The following STARD8 variants were observed in gnomAD, a reference collection of about 807,000 sequenced individuals.
STARD8 encodes the protein stAR-related lipid transfer protein 8.
Under a neutral mutation model 69.4 loss-of-function variants are expected in STARD8, and 25 were observed. The observed-to-expected ratio is 0.36, with a 90% CI of 0.26 to 0.50. The LOEUF (loss-of-function observed/expected upper bound fraction) is 0.50, where lower values mean the gene tolerates loss of function less well. Ranked by LOEUF, STARD8 falls within the 20% of genes least tolerant of loss-of-function variation. The pLI, the probability that STARD8 is intolerant of heterozygous loss-of-function variation, is 0.96. For missense variants in STARD8, 921 were observed against 932.5 expected (o/e 0.99, Z 0.16); for synonymous variants, 389 against 374.6 (o/e 1.04, Z -0.45).
chrX:68,684,343 C>A lies in STARD8; in HGVS notation c.79+18811C>A, dbSNP rs148422460. 5.5e-3 allele frequency among the ~76,000 whole-genome samples: 616 copies of A among 112,378 alleles called. 4 individuals carry two copies. The highest frequency in any genetic ancestry group is 0.018 in the African/African-American group (559 of 30,946). ...TTCGGAGCTCTTTCATATCACTGTT[C>A]TGGCTGGAGCTGAAGCAGCAGAACT... On this transcript the variant is annotated intron_variant, in intron 2 of 14. Transcript: ENST00000374599.
At chrX:68,702,244 GT>G (rs1271778250) in intron 2 of STARD8, among the ~76,000 whole-genome samples, 1 of 112,101 alleles carries the variant, frequency 8.9e-6, no homozygotes, top group Non-Finnish European at 1.9e-5. Flanking sequence ...GGTATTATTA[GT>G]TGAATAAATT....
In STARD8 at chrX:68,656,208, C is replaced by T. The variant is rs556294246; in HGVS notation, c.45+8281C>T. 4 of 112,318 alleles carry T rather than the reference C, an allele frequency of 3.6e-5. No homozygotes were observed. The South Asian group carries it at 1.1e-3, about 31-fold the overall frequency. The allele number at this position is 112,318 out of a possible 1,213,427, so 9.3% of individuals were successfully genotyped here. On this transcript the variant is annotated intron_variant, in intron 1 of 14. Transcript: ENST00000374599. ...TGTGTTGACCATGAGAAAGTTACTT[C>T]GCCTTTCTCAAAAGAAGACATTTAT...
rs2080111514 is a variant in STARD8, at chrX:68,718,087, C to A, written c.1173C>A (p.Ile391=). The A allele has an allele frequency of 2.5e-6, 3 of 1,211,515 alleles. No individual in the cohort carries two copies. In the African/African-American group the frequency reaches 5.2e-5, roughly 21 times the overall value. Residue 391 remains isoleucine (I), a synonymous_variant, in exon 6 of 15, where the codon ATC becomes ATA. Coordinates refer to ENST00000374599, the MANE Select transcript of STARD8 (RefSeq NM_001142503.3). ...SGGSYAHLDD[I]LQHVWGLQQR... ...GCAGCTATGCTCACCTAGACGACAT[C>A]CTCCAGCACGTGTGGGGGCTACAGC...
intron 1 of STARD8, among the ~76,000 whole-genome samples, chrX:68,653,620 ACACACACCC>A (rs1272230520): frequency 6.4e-5 from 3 of 46,776 alleles, no homozygotes; most frequent in African/African-American, 2.5e-4. Context: ...CACCACACAC[ACACACACCC>A]CACACACCAC....
At chrX:68,720,488 C>G in intron 8 of STARD8, 65 bp downstream of exon 8, 1 of 1,088,306 alleles carries the variant, frequency 9.2e-7, no homozygotes, top group Non-Finnish European at 1.2e-6. Context: ...GGGCATTGGG[C>G]TGAAGGCTGA....
chrX:68,722,382 C>A, intron 11 of STARD8, 40 bp from the exon 12 acceptor site: 1 of 1,130,803 alleles, frequency 8.8e-7, no homozygotes, highest in Non-Finnish European at 1.2e-6. Flanking sequence ...GGGTCTCCTG[C>A]TCTCTGGAGC....
chrX:68,725,237 G>C lies in STARD8; in HGVS notation c.*815G>C, dbSNP rs1055826367. 3.6e-5 allele frequency: 4 copies of C among 110,407 alleles called. No homozygotes were observed. Among genetic ancestry groups the C allele is most frequent in the Non-Finnish European group, 7.6e-5 (4 of 52,917 alleles). The allele number at this position is 110,407 out of a possible 1,213,427, so 9.1% of individuals were successfully genotyped here. A position where few individuals can be genotyped will look rare whatever the true frequency, so the allele number is the denominator to read the frequency against. Reference sequence around the variant, plus strand: ...TGCCCAGGCCAAGCAAAAGCAGAGTGTGGTTAAGAGACAAGGGTCTATGTC... The same window carrying C: ...TGCCCAGGCCAAGCAAAAGCAGAGTCTGGTTAAGAGACAAGGGTCTATGTC... On this transcript the variant is annotated 3_prime_UTR_variant, in exon 15 of 15. Transcript: ENST00000374599.
intron 2 of STARD8, among the ~76,000 whole-genome samples, chrX:68,696,375 C>G (rs2079919836): frequency 9.0e-6 from 1 of 111,189 alleles, no homozygotes; most frequent in Non-Finnish European, 1.9e-5. Context: ...CGGGAAGGGT[C>G]CTGGTAGATA....
intron 2 of STARD8, among the ~76,000 whole-genome samples, chrX:68,706,393 C>G (rs760632225): frequency 8.9e-6 from 1 of 111,873 alleles, no homozygotes; most frequent in Non-Finnish European, 1.9e-5. Flanking sequence ...GAGAGAGGCA[C>G]CAGTGAACTG....
chrX:68,667,873 A>C (rs2079693513), intron 2 of STARD8, among the ~76,000 whole-genome samples: 1 of 111,010 alleles, frequency 9.0e-6, no homozygotes, highest in African/African-American at 3.3e-5. Context: ...TCCGAACCTC[A>C]ATGTTCTCAT....
At position 68,717,870 on chromosome X, in the gene STARD8, T is replaced by C; in HGVS notation, c.956T>C (p.Leu319Pro). 8.3e-7 allele frequency: 1 copy of C among 1,209,743 alleles called. No homozygotes were observed. The highest frequency in any genetic ancestry group is 1.1e-6 in the Non-Finnish European group (1 of 894,467). ...TFPRSLSIES[L>P]CPEDGHRLAD... ...CCTCGCTCCCTGTCCATTGAGAGCC[T>C]GTGTCCTGAGGATGGACACCGCCTG... The change falls in exon 6 of 15, where the codon CTG becomes CCG. Residue 319 changes from leucine (L) to proline (P), a missense_variant. Leu to Pro is a moderately conservative substitution (Grantham distance 98). Transcript: ENST00000374599.
intron 2 of STARD8, among the ~76,000 whole-genome samples, chrX:68,671,959 A>C (rs1394099667): frequency 1.8e-5 from 2 of 111,553 alleles, no homozygotes; most frequent in African/African-American, 6.5e-5. Context: ...TTTCATTTGG[A>C]GACTGGAGTT....
intron 2 of STARD8, among the ~76,000 whole-genome samples, chrX:68,698,655 A>G (rs374990595): frequency 9.0e-6 from 1 of 111,308 alleles, no homozygotes; most frequent in African/African-American, 3.3e-5. Context: ...GCTCCAGACC[A>G]TATGCAGTTT....
intron 2 of STARD8, among the ~76,000 whole-genome samples, chrX:68,700,012 C>T (rs1036166845): frequency 9.0e-5 from 10 of 111,175 alleles, no homozygotes; most frequent in African/African-American, 3.3e-4. Context: ...GGGCTTCCAG[C>T]GTACCCTGCT....
chrX:68,704,253 G>A (rs937915658), intron 2 of STARD8, among the ~76,000 whole-genome samples: 6 of 111,887 alleles, frequency 5.4e-5, no homozygotes, highest in Non-Finnish European at 1.1e-4. Context: ...GAGAGGTCAG[G>A]GGAGGCTTCG....
intron 2 of STARD8, among the ~76,000 whole-genome samples, chrX:68,667,457 CA>C (rs2079690698): frequency 1.8e-5 from 2 of 112,132 alleles, no homozygotes; most frequent in African/African-American, 3.2e-5. Flanking sequence ...AAATTTAGGT[CA>C]GGGGGTGAGC....
chrX:68,691,317 CCA>C (rs1351450144), intron 2 of STARD8, among the ~76,000 whole-genome samples: 2 of 111,394 alleles, frequency 1.8e-5, no homozygotes, highest in East Asian at 5.6e-4. Context: ...CCTAAAGCCT[CCA>C]GTTACCTCCA....
Position 68,725,724 on chromosome X carries a change from C to T in STARD8, c.*1302C>T, listed in dbSNP as rs2080196312. 9.2e-6 allele frequency: 1 copy of T among 108,690 alleles called. No homozygotes were observed. The highest frequency in any genetic ancestry group is 1.9e-5 in the Non-Finnish European group (1 of 52,495). 9.0% of individuals were successfully genotyped at this position (108,690 alleles called of 1,213,427 possible). The stretch of plus-strand genomic sequence containing the variant: ...AATTCTCATGAGTGTATTATAATCT[C>T]TGGTGGGGGCAAGTGTCTGGAAGGC... On this transcript the variant is annotated 3_prime_UTR_variant, in exon 15 of 15. Transcript: ENST00000374599.
intron 2 of STARD8, among the ~76,000 whole-genome samples, chrX:68,674,766 C>T (rs192545290): frequency 1.3e-3 from 142 of 109,748 alleles, no homozygotes; most frequent in Non-Finnish European, 1.5e-3. Flanking sequence ...TCAGTTTTCT[C>T]AGGTTTTTTT....
Sources: allele counts gnomAD v4.1 joint callset (sites outside exome capture counted in the v4.1 genomes callset), GRCh38; gene constraint gnomAD v4.1.1; transcripts MANE v1.5; gene names NCBI Gene and HGNC (gene_info 2026-07-23, HGNC 2026-07-21).